The following ELAVL2 variants were observed in gnomAD, a reference collection of about 807,000 sequenced individuals.
ELAVL2 encodes the protein ELAV-like protein 2.
In ELAVL2, 4 loss-of-function variants were observed where a neutral mutation model predicts 34.6. That is an observed-to-expected ratio of 0.12 (90% CI 0.06 to 0.26). The LOEUF (loss-of-function observed/expected upper bound fraction) is 0.26. Ranked by LOEUF, ELAVL2 falls within the 10% of genes least tolerant of loss-of-function variation. ELAVL2 has a pLI of 1.00. For missense variants in ELAVL2, 432 were observed against 442.8 expected, an observed-to-expected ratio of 0.98 and a Z score of 0.22; for synonymous variants, 193 against 154.8, an observed-to-expected ratio of 1.25 and a Z score of -1.83.
chr9:23,725,472 A>G (rs1422494391), intron 3 of ELAVL2, among the ~76,000 whole-genome samples: 1 of 152,196 alleles, frequency 6.6e-6, no homozygotes, highest in Non-Finnish European at 1.5e-5. Context: ...CAGAGGACCT[A>G]CTGGGTGGCA....
chr9:23,710,771 T>G (rs2040709935), intron 3 of ELAVL2, among the ~76,000 whole-genome samples: 1 of 152,182 alleles, frequency 6.6e-6, no homozygotes, highest in African/African-American at 2.4e-5. Context: ...ATCTGAAAAA[T>G]GACACTATAA....
At chr9:23,781,658 G>A (rs1799669482) in intron 1 of ELAVL2, among the ~76,000 whole-genome samples, 1 of 151,488 alleles carries the variant, frequency 6.6e-6, no homozygotes, top group Non-Finnish European at 1.5e-5. Flanking sequence ...GGGACCACAG[G>A]TACACACCAC....
intron 3 of ELAVL2, among the ~76,000 whole-genome samples, chr9:23,711,028 T>A (rs994037853): frequency 3.0e-4 from 45 of 152,218 alleles, no homozygotes; most frequent in African/African-American, 9.9e-4. Flanking sequence ...CAAACACACA[T>A]CAAGGCATAC....
intron 1 of ELAVL2, among the ~76,000 whole-genome samples, chr9:23,800,856 T>C (rs2137625129): frequency 6.6e-6 from 1 of 152,322 alleles, no homozygotes; most frequent in South Asian, 2.1e-4. Context: ...AGCCGCTTTT[T>C]AAATCTCCTC....
At chr9:23,730,594 T>C (rs2046289563) in intron 3 of ELAVL2, among the ~76,000 whole-genome samples, 3 of 152,176 alleles carry the variant, frequency 2.0e-5, no homozygotes, top group Admixed American at 6.6e-5. Context: ...CATCCATTTG[T>C]TTATGTAGTG....
chr9:23,748,727 A>C (rs2051139903), intron 2 of ELAVL2, among the ~76,000 whole-genome samples: 1 of 152,160 alleles, frequency 6.6e-6, no homozygotes, highest in Non-Finnish European at 1.5e-5. Context: ...CTAAATTTGA[A>C]GCCAGGCTAC....
chr9:23,739,829 G>A (rs2048742894), intron 2 of ELAVL2, among the ~76,000 whole-genome samples: 1 of 151,940 alleles, frequency 6.6e-6, no homozygotes, highest in African/African-American at 2.4e-5. Context: ...AGTCCATCAA[G>A]AGGCAGTACA....
chr9:23,700,367 G>T (rs1032855766), intron 5 of ELAVL2, among the ~76,000 whole-genome samples: 1 of 152,170 alleles, frequency 6.6e-6, no homozygotes, highest in East Asian at 1.9e-4. Flanking sequence ...ACTTCTTAAA[G>T]TCACTGTTCT....
intron 3 of ELAVL2, among the ~76,000 whole-genome samples, chr9:23,717,151 A>G (rs1220128099): frequency 1.3e-5 from 2 of 152,208 alleles, no homozygotes; most frequent in Non-Finnish European, 2.9e-5. Context: ...ACTGCTTTGC[A>G]ACAATGTTCA....
intron 1 of ELAVL2, among the ~76,000 whole-genome samples, chr9:23,809,946 C>T (rs2062757336): frequency 6.6e-6 from 1 of 152,114 alleles, no homozygotes; most frequent in African/African-American, 2.4e-5. Flanking sequence ...ATTTGGATAT[C>T]AAACATCCTA....
At chr9:23,709,454 T>TA (rs1354513468) in intron 3 of ELAVL2, among the ~76,000 whole-genome samples, 1 of 151,774 alleles carries the variant, frequency 6.6e-6, no homozygotes, top group East Asian at 1.9e-4. Flanking sequence ...CATTCCGATT[T>TA]TTTTTTTTTC....
intron 3 of ELAVL2, among the ~76,000 whole-genome samples, chr9:23,715,627 C>A (rs528744292): frequency 2.0e-5 from 3 of 152,194 alleles, no homozygotes; most frequent in Non-Finnish European, 4.4e-5. Context: ...AGTATTCTTT[C>A]AAGATTCTGA....
intron 1 of ELAVL2, among the ~76,000 whole-genome samples, chr9:23,782,803 G>C (rs2059236344): frequency 6.6e-6 from 1 of 152,308 alleles, no homozygotes; most frequent in Non-Finnish European, 1.5e-5. Context: ...CAGCCTGCTT[G>C]ACCACCAAGG....
rs2055187565 is a variant in ELAVL2, at chr9:23,762,211, C to T, written c.24G>A (p.Gly8=). 1 of 1,613,436 alleles carries T rather than the reference C, an allele frequency of 6.2e-7. No homozygotes were observed. Among genetic ancestry groups the T allele is most frequent in the Non-Finnish European group, 8.5e-7 (1 of 1,179,574 alleles). The change falls in exon 2 of 7, where the codon GGG becomes GGA. Residue 8 remains glycine, a synonymous_variant. Transcript: ENST00000397312. METQLSN[G]PTCNNTANGP... ...CATTGGCTGTGTTATTGCAAGTTGG[C>T]CCATTAGACAGTTGTGTTTCCATGG...
chr9:23,749,437 G>A (rs1431275795), intron 2 of ELAVL2, among the ~76,000 whole-genome samples: 1 of 152,102 alleles, frequency 6.6e-6, no homozygotes, highest in Non-Finnish European at 1.5e-5. Flanking sequence ...CATAACGAGT[G>A]TTAGAAATGG....
intron 1 of ELAVL2, among the ~76,000 whole-genome samples, chr9:23,771,561 G>A: frequency 6.6e-6 from 1 of 152,016 alleles, no homozygotes; most frequent in Non-Finnish European, 1.5e-5. Context: ...TGAATCCACT[G>A]CCAGCTTCTT....
the ELAVL2 span, among the ~76,000 whole-genome samples, chr9:23,841,960 A>G: frequency 6.6e-6 from 1 of 152,208 alleles, no homozygotes. Flanking sequence ...AAGTTTCAAA[A>G]TCAACTCATC....
chr9:23,788,368 T>G (rs1470709255), intron 1 of ELAVL2, among the ~76,000 whole-genome samples: 2 of 152,180 alleles, frequency 1.3e-5, no homozygotes, highest in Non-Finnish European at 2.9e-5. Flanking sequence ...ATTCAGTTAT[T>G]GGAATAAATA....
At chr9:23,803,973 A>G (rs1023562809) in intron 1 of ELAVL2, among the ~76,000 whole-genome samples, 1 of 152,188 alleles carries the variant, frequency 6.6e-6, no homozygotes, top group Non-Finnish European at 1.5e-5. Context: ...GCTCAGCTCA[A>G]GGCAGGCACT....
Sources: allele counts gnomAD v4.1 joint callset (sites outside exome capture counted in the v4.1 genomes callset), GRCh38; gene constraint gnomAD v4.1.1; transcripts MANE v1.5; gene names NCBI Gene and HGNC (gene_info 2026-07-23, HGNC 2026-07-21).